Variants in CKMT2 observed in about 807,000 individuals in gnomAD.
CKMT2 encodes creatine kinase, mitochondrial 2, also known as creatine kinase S-type, mitochondrial.
A neutral mutation model predicts 48.9 loss-of-function variants in CKMT2; 43 were observed. The ratio of observed to expected loss-of-function variants is 0.88; its 90% CI spans 0.69 to 1.13. The LOEUF is 1.13. Among genes scored for constraint, CKMT2 ranks in the 50% most tolerant of loss-of-function variants. The pLI, the probability that CKMT2 is intolerant of heterozygous loss-of-function variation, is 0.00. For synonymous variants in CKMT2, 206 were observed against 213.0 expected, an observed-to-expected ratio of 0.97 and a Z score of 0.29; for missense variants, 472 against 555.4, an observed-to-expected ratio of 0.85 and a Z score of 1.51.
chr5:81,256,908 C>T lies in CKMT2; in HGVS notation c.670-7C>T, dbSNP rs370434945. On this transcript the variant is annotated splice_polypyrimidine_tract_variant and splice_region_variant and intron_variant, in intron 5 of 9. Coordinates refer to ENST00000254035, the MANE Select transcript of CKMT2 (RefSeq NM_001099735.2). ...CTCCTCTCTGCTTTATCCCTTTTGG[C>T]CTACAGGACCACTTTCTGTTTGATA... is the stretch of plus-strand genomic sequence containing the variant. 6 of 1,610,420 alleles carry T rather than the reference C, an allele frequency of 3.7e-6. No individual in the cohort carries two copies. Among genetic ancestry groups the T allele is most frequent in the African/African-American group, 1.3e-5 (1 of 74,970 alleles).
chr5:81,261,726 T>G (rs1757231548), intron 8 of CKMT2, among the ~76,000 whole-genome samples: 1 of 152,238 alleles, frequency 6.6e-6, no homozygotes, highest in African/African-American at 2.4e-5. Context: ...CGTTCCATGC[T>G]CATGGATAGG....
At chr5:81,240,276 C>T (rs1276258159) in intron 1 of CKMT2, among the ~76,000 whole-genome samples, 2 of 152,176 alleles carry the variant, frequency 1.3e-5, no homozygotes, top group Admixed American at 1.3e-4. Flanking sequence ...ACTTAGCCTC[C>T]CCTCGGCATC....
At chr5:81,241,049 C>T (rs575830567) in intron 1 of CKMT2, among the ~76,000 whole-genome samples, 1 of 152,264 alleles carries the variant, frequency 6.6e-6, no homozygotes, top group East Asian at 1.9e-4. Context: ...TGTGGGCCAG[C>T]GTGCTTAAGA....
intron 1 of CKMT2, among the ~76,000 whole-genome samples, chr5:81,236,615 T>A (rs1042934604): frequency 6.6e-6 from 1 of 152,156 alleles, no homozygotes; most frequent in African/African-American, 2.4e-5. Context: ...GGAAAGGATA[T>A]TCCAGGGGAA....
chr5:81,265,531 A>T (rs1291762804), intron 9 of CKMT2, among the ~76,000 whole-genome samples: 2 of 152,242 alleles, frequency 1.3e-5, no homozygotes, highest in Non-Finnish European at 2.9e-5. Flanking sequence ...AAAAAAAATT[A>T]AGTAGATGTG....
At chr5:81,257,119 A>G in intron 6 of CKMT2, 119 bp downstream of exon 6, 2 of 691,722 alleles carry the variant, frequency 2.9e-6, no homozygotes, top group South Asian at 3.8e-5. Context: ...GACTGAGCTA[A>G]ATGGAAAAAG....
chr5:81,254,183 A>G (rs1195212470), intron 3 of CKMT2, among the ~76,000 whole-genome samples: 2 of 152,284 alleles, frequency 1.3e-5, no homozygotes, highest in Non-Finnish European at 2.9e-5. Context: ...AAGGGGCAAG[A>G]TGCCTTCAAA....
rs915790395 is a variant in CKMT2 at position 81,256,917 on chromosome 5, C to T, written c.672C>T (p.Asp224=). The T allele has an allele frequency of 6.2e-6, 10 of 1,612,860 alleles. No homozygotes were observed. Among genetic ancestry groups the T allele is most frequent in the Non-Finnish European group, 8.5e-6 (10 of 1,179,094 alleles). Residue 224 remains aspartate, a splice_region_variant and synonymous_variant, in exon 6 of 10, where the codon GAC becomes GAT. Transcript: ENST00000254035. Reference sequence around the variant, plus strand: ...GCTTTATCCCTTTTGGCCTACAGGACCACTTTCTGTTTGATAAGCCAGTGT... The same window carrying T: ...GCTTTATCCCTTTTGGCCTACAGGATCACTTTCTGTTTGATAAGCCAGTGT... ...TEQDQQRLID[D]HFLFDKPVSP...
At position 81,252,680 on chromosome 5, in the gene CKMT2, C is replaced by T; in HGVS notation, c.153-15C>T. The T allele has an allele frequency of 1.2e-6, 2 of 1,613,600 alleles. No homozygotes were observed. Among genetic ancestry groups the T allele is most frequent in the Non-Finnish European group, 1.7e-6 (2 of 1,179,638 alleles). On this transcript the variant is annotated splice_polypyrimidine_tract_variant and intron_variant, in intron 2 of 9. Transcript: ENST00000254035. ...GGGGGCTGCTGGCTGACAGCCTGCC[C>T]TCCTCCCCACACAGCGCAGACTACC...
At chr5:81,264,241 C>T (rs1757322828) in intron 9 of CKMT2, among the ~76,000 whole-genome samples, 2 of 152,184 alleles carry the variant, frequency 1.3e-5, no homozygotes, top group South Asian at 4.1e-4. Flanking sequence ...AAAAAGATCA[C>T]ATGTAAGGAA....
In CKMT2 at chr5:81,247,537, C is replaced by G. The variant is rs10514214; in HGVS notation, c.-20-3576C>G. 5.6e-3 allele frequency among the ~76,000 whole-genome samples: 851 copies of G among 152,308 alleles called. 5 individuals carry two copies. The highest frequency in any genetic ancestry group is 6.5e-3 in the Non-Finnish European group (443 of 68,030). On this transcript the variant is annotated intron_variant, in intron 1 of 9. Coordinates refer to ENST00000254035, the MANE Select transcript of CKMT2 (RefSeq NM_001099735.2). ...AAGACAAAGCAATGTTCTGACTGCG[C>G]AGCGTTTTAAAGACTAACTTTTAAC... is the stretch of plus-strand genomic sequence containing the variant.
At chr5:81,263,692 A>G (rs1281299839) in intron 9 of CKMT2, 76 bp downstream of exon 9, 1 of 1,417,000 alleles carries the variant, frequency 7.1e-7, no homozygotes, top group African/African-American at 1.4e-5. Context: ...CAAACAGCCT[A>G]GCCGTTTTCA....
In CKMT2 at chr5:81,263,568, C is replaced by A. The variant is rs766110342; in HGVS notation, c.1092C>A (p.Val364=). The A allele has an allele frequency of 1.9e-6, 3 of 1,612,626 alleles. No homozygotes were observed. Among genetic ancestry groups the A allele is most frequent in the African/African-American group, 2.7e-5 (2 of 74,776 alleles). Residue 364 remains valine (V), a synonymous_variant, in exon 9 of 10, where the codon GTC becomes GTA. Coordinates refer to ENST00000254035, the MANE Select transcript of CKMT2 (RefSeq NM_001099735.2). The part of the protein sequence containing the change: ...RGTGGVDTAA[V]ADVYDISNID... Reference sequence around the variant, plus strand: ...CAGGTGGTGTGGACACTGCCGCGGTCGCAGATGTGTACGACATTTCCAACA... The same window carrying A: ...CAGGTGGTGTGGACACTGCCGCGGTAGCAGATGTGTACGACATTTCCAACA...
At position 81,259,127 on chromosome 5, in the gene CKMT2, G is replaced by T. The variant is rs141973034; in HGVS notation, c.887G>T (p.Arg296Leu). The change falls in exon 8 of 10, where the codon CGG becomes CTG. Residue 296 changes from arginine (R) to leucine (L), a missense_variant. Transcript: ENST00000254035. ...RFCRGLKEVE[R>L]LIQERGWEFM... ...CTGTGGTTCTACTTGTAGGTAGAAC[G>T]GTTAATCCAAGAACGAGGCTGGGAG... 1 of 1,612,832 alleles carries T rather than the reference G, an allele frequency of 6.2e-7. No individual in the cohort carries two copies. The highest frequency in any genetic ancestry group is 8.5e-7 in the Non-Finnish European group (1 of 1,179,400).
chr5:81,262,808 C>T (rs903201463), intron 8 of CKMT2, among the ~76,000 whole-genome samples: 1 of 152,212 alleles, frequency 6.6e-6, no homozygotes, highest in African/African-American at 2.4e-5. Flanking sequence ...TACCATTTGA[C>T]CCAGCCATCC....
At chr5:81,242,082 C>A (rs909174291) in intron 1 of CKMT2, among the ~76,000 whole-genome samples, 3 of 152,120 alleles carry the variant, frequency 2.0e-5, no homozygotes, top group South Asian at 2.1e-4. Flanking sequence ...ACGATGGGCA[C>A]GATGAGCTCC....
intron 1 of CKMT2, chr5:81,237,578 T>C (rs1353546592): frequency 6.6e-6 from 1 of 152,232 alleles, no homozygotes; most frequent in Non-Finnish European, 1.5e-5. Context: ...TTTTAGGTTT[T>C]TACTTTTTTA....
intron 1 of CKMT2, chr5:81,243,985 G>A (rs540492459): frequency 4.1e-6 from 4 of 972,870 alleles, no homozygotes; most frequent in East Asian, 1.1e-4. Flanking sequence ...AAGCCACCAT[G>A]CCCAGTCCCT....
intron 1 of CKMT2, among the ~76,000 whole-genome samples, chr5:81,241,393 G>A (rs1253729436): frequency 6.6e-6 from 1 of 152,128 alleles, no homozygotes; most frequent in Non-Finnish European, 1.5e-5. Context: ...TAAAAGCTAA[G>A]TAAGGCTCCA....
Sources: allele counts gnomAD v4.1 joint callset (sites outside exome capture counted in the v4.1 genomes callset), GRCh38; gene constraint gnomAD v4.1.1; transcripts MANE v1.5; gene names NCBI Gene and HGNC (gene_info 2026-07-23, HGNC 2026-07-21).